The following CDH8 variants were observed in gnomAD, a reference collection of about 807,000 sequenced individuals.
CDH8 encodes the protein cadherin 8.
In CDH8, 17 loss-of-function variants were observed where a neutral mutation model predicts 68.1. The observed-to-expected ratio is 0.25, with a 90% CI of 0.17 to 0.37. CDH8 has a LOEUF of 0.37. Ranked by LOEUF, CDH8 falls within the 10% of genes least tolerant of loss-of-function variation. The pLI, the probability that CDH8 is intolerant of heterozygous loss-of-function variation, is 1.00. For synonymous variants in CDH8, 372 were observed against 365.1 expected, an observed-to-expected ratio of 1.02 and a Z score of -0.21; for missense variants, 763 against 999.3, an observed-to-expected ratio of 0.76 and a Z score of 3.19.
chr16:61,717,572 T>A (rs113278817), intron 9 of CDH8, among the ~76,000 whole-genome samples: 24 of 151,760 alleles, frequency 1.6e-4, no homozygotes, highest in African/African-American at 4.8e-4. Flanking sequence ...AGAATATCAC[T>A]GCCATTATTA....
At chr16:61,912,663 C>A (rs1964179984) in intron 2 of CDH8, among the ~76,000 whole-genome samples, 1 of 152,010 alleles carries the variant, frequency 6.6e-6, no homozygotes, top group Non-Finnish European at 1.5e-5. Context: ...ATCAAAAGAC[C>A]TGGGTTGAAT....
chr16:62,000,765 A>G (rs149656724), intron 2 of CDH8, among the ~76,000 whole-genome samples: 2 of 152,328 alleles, frequency 1.3e-5, no homozygotes, highest in East Asian at 3.9e-4. Flanking sequence ...GGTTGCTGAT[A>G]AAATTTAACA....
chr16:61,897,543 CATATTT>C (rs1352621684), intron 3 of CDH8, among the ~76,000 whole-genome samples: 1 of 152,160 alleles, frequency 6.6e-6, no homozygotes, highest in Non-Finnish European at 1.5e-5. Flanking sequence ...TCTTTCTTAA[CATATTT>C]ATAAGACACA....
chr16:61,943,670 G>A (rs904454869), intron 2 of CDH8, among the ~76,000 whole-genome samples: 9 of 152,150 alleles, frequency 5.9e-5, no homozygotes, highest in African/African-American at 2.2e-4. Context: ...TATTTTCCAT[G>A]TACTGTGTTA....
At chr16:61,932,338 AAAAC>A (rs1964558545) in intron 2 of CDH8, among the ~76,000 whole-genome samples, 3 of 152,330 alleles carry the variant, frequency 2.0e-5, no homozygotes, top group Middle Eastern at 3.4e-3. Flanking sequence ...AAGCATTACT[AAAAC>A]AAAAATGTAA....
intron 10 of CDH8, among the ~76,000 whole-genome samples, chr16:61,657,807 C>T (rs1411816746): frequency 6.6e-6 from 1 of 152,076 alleles, no homozygotes; most frequent in African/African-American, 2.4e-5. Context: ...CCTTTTGTAA[C>T]AGACTATTAT....
chr16:61,842,667 C>G (rs945296339), intron 4 of CDH8, among the ~76,000 whole-genome samples: 3 of 152,122 alleles, frequency 2.0e-5, no homozygotes, highest in Non-Finnish European at 2.9e-5. Flanking sequence ...AGGATTAGAG[C>G]TGACTTTTCC....
intron 3 of CDH8, among the ~76,000 whole-genome samples, chr16:61,865,645 C>T (rs1298270041): frequency 6.6e-6 from 1 of 152,124 alleles, no homozygotes. Flanking sequence ...AATAAGCTGC[C>T]TGTTTTATAG....
At chr16:61,711,304 A>G (rs1470789718) in intron 10 of CDH8, among the ~76,000 whole-genome samples, 1 of 150,052 alleles carries the variant, frequency 6.7e-6, no homozygotes, top group East Asian at 1.9e-4. Context: ...AGTTCCTTAG[A>G]AAATGCCAAA....
At chr16:61,931,915 G>C (rs1964545871) in intron 2 of CDH8, among the ~76,000 whole-genome samples, 1 of 151,986 alleles carries the variant, frequency 6.6e-6, no homozygotes, top group Admixed American at 6.6e-5. Flanking sequence ...AGAATATAAT[G>C]AAAAAGCACA....
rs898945848 is a variant in CDH8, at chr16:61,653,337, T to C, written c.*271A>G. On this transcript the variant is annotated 3_prime_UTR_variant, in exon 12 of 12. Coordinates refer to ENST00000577390, the MANE Select transcript of CDH8 (RefSeq NM_001796.5). ...AAGGATTAGCCAGGATCCCAATCTT[T>C]GTCTGTGGTGGTCAGGTAAATATCA... 5.7e-6 allele frequency: 7 copies of C among 1,222,758 alleles called. No individual in the cohort carries two copies. The highest frequency in any genetic ancestry group is 6.4e-4 in the Middle Eastern group (2 of 3,130). The allele number at this position is 1,222,758 out of a possible 1,614,324, so 75.7% of individuals were successfully genotyped here.
intron 3 of CDH8, among the ~76,000 whole-genome samples, chr16:61,891,113 A>G (rs1963768886): frequency 6.6e-6 from 1 of 151,984 alleles, no homozygotes; most frequent in Non-Finnish European, 1.5e-5. Context: ...GGGTTGGACC[A>G]CATATTTTTA....
chr16:61,743,961 T>A (rs1321998439), intron 8 of CDH8, among the ~76,000 whole-genome samples: 2 of 152,146 alleles, frequency 1.3e-5, no homozygotes, highest in African/African-American at 4.8e-5. Context: ...TACTTAAGAA[T>A]AATTTAAGTT....
At chr16:61,898,802 C>T (rs918880914) in intron 3 of CDH8, among the ~76,000 whole-genome samples, 1 of 152,000 alleles carries the variant, frequency 6.6e-6, no homozygotes, top group African/African-American at 2.4e-5. Flanking sequence ...ACAGATTCAA[C>T]AATATCGCTT....
At chr16:61,999,852 C>T (rs1965865853) in intron 2 of CDH8, among the ~76,000 whole-genome samples, 1 of 152,036 alleles carries the variant, frequency 6.6e-6, no homozygotes, top group Admixed American at 6.6e-5. Context: ...AGGTTTGTTA[C>T]ATAGGTATAC....
intron 2 of CDH8, among the ~76,000 whole-genome samples, chr16:62,000,853 G>A (rs1166760484): frequency 6.6e-6 from 1 of 152,102 alleles, no homozygotes; most frequent in East Asian, 1.9e-4. Flanking sequence ...AGACACTGTA[G>A]TAGTAACACT....
intron 10 of CDH8, among the ~76,000 whole-genome samples, chr16:61,658,242 T>A (rs539414017): frequency 6.6e-6 from 1 of 152,090 alleles, no homozygotes; most frequent in Non-Finnish European, 1.5e-5. Flanking sequence ...GTTCTTGGAA[T>A]AATTTTTTAT....
At chr16:61,897,736 T>C (rs765487864) in intron 3 of CDH8, among the ~76,000 whole-genome samples, 23 of 152,126 alleles carry the variant, frequency 1.5e-4, no homozygotes, top group Non-Finnish European at 2.8e-4. Context: ...ATCAAAACCA[T>C]CTTACTCTAA....
At chr16:61,876,674 AAGAATCCTCTTATACAT>A (rs909316647) in intron 3 of CDH8, among the ~76,000 whole-genome samples, 45 of 152,236 alleles carry the variant, frequency 3.0e-4, no homozygotes, top group African/African-American at 9.1e-4. Context: ...GACTATACAA[AAGAATCCTCTTATACAT>A]GCATTCTTAC....
Sources: gnomAD v4.1 joint callset for allele counts (sites outside exome capture counted in the v4.1 genomes callset) on GRCh38, gnomAD v4.1.1 for gene constraint, MANE v1.5 for transcripts, NCBI Gene and HGNC (gene_info 2026-07-23, HGNC 2026-07-21) for gene names.